Variants in ST8SIA2 observed in about 807,000 individuals in gnomAD.
ST8SIA2 encodes ST8 alpha-N-acetyl-neuraminide alpha-2,8-sialyltransferase 2, also known as alpha-2,8-sialyltransferase 8B.
ST8SIA2 carries 22 observed loss-of-function variants against 37.6 expected under a neutral mutation model. The ratio of observed to expected loss-of-function variants is 0.58; its 90% CI spans 0.42 to 0.83. The LOEUF is 0.83. Among genes scored for constraint, ST8SIA2 ranks in the 40% least tolerant of loss-of-function variants. ST8SIA2 has a pLI of 0.00. For synonymous variants in ST8SIA2, 205 were observed against 201.2 expected, an observed-to-expected ratio of 1.02 and a Z score of -0.16; for missense variants, 382 against 484.7, an observed-to-expected ratio of 0.79 and a Z score of 1.99.
chr15:92,435,718 C>G (rs754106275), intron 3 of ST8SIA2, among the ~76,000 whole-genome samples: 6 of 152,240 alleles, frequency 3.9e-5, no homozygotes, highest in Middle Eastern at 3.4e-3. Context: ...CTCCCTGCCA[C>G]CCTGCACTCC....
chr15:92,399,094 TATGAGC>T (rs2049452492), intron 1 of ST8SIA2, among the ~76,000 whole-genome samples: 1 of 152,150 alleles, frequency 6.6e-6, no homozygotes, highest in African/African-American at 2.4e-5. Context: ...CTGCCATAGG[TATGAGC>T]ATTCCAGACT....
chr15:92,394,955 C>A (rs1288721757), intron 1 of ST8SIA2, among the ~76,000 whole-genome samples: 2 of 152,122 alleles, frequency 1.3e-5, no homozygotes, highest in Non-Finnish European at 2.9e-5. Context: ...CTCCCGACCT[C>A]GCCAGAGGTA....
intron 5 of ST8SIA2, among the ~76,000 whole-genome samples, chr15:92,446,381 C>A (rs1373336407): frequency 1.3e-5 from 2 of 152,186 alleles, no homozygotes; most frequent in Non-Finnish European, 2.9e-5. Context: ...CATTTTTAGA[C>A]CACATAGTGT....
At chr15:92,421,491 C>T (rs1462445186) in intron 1 of ST8SIA2, among the ~76,000 whole-genome samples, 1 of 152,146 alleles carries the variant, frequency 6.6e-6, no homozygotes, top group Non-Finnish European at 1.5e-5. Context: ...ATAAATCAAA[C>T]ACTGTTCTTA....
At chr15:92,401,025 G>A (rs1411782895) in intron 1 of ST8SIA2, among the ~76,000 whole-genome samples, 1 of 152,192 alleles carries the variant, frequency 6.6e-6, no homozygotes, top group Non-Finnish European at 1.5e-5. Flanking sequence ...GAATCCTCAT[G>A]ACGGGTCAAG....
At chr15:92,408,548 G>C (rs2049524973) in intron 1 of ST8SIA2, among the ~76,000 whole-genome samples, 2 of 152,024 alleles carry the variant, frequency 1.3e-5, no homozygotes, top group African/African-American at 4.8e-5. Context: ...GCTGAGATAG[G>C]CCCCAGTTAC....
chr15:92,411,139 G>T (rs950769039), intron 1 of ST8SIA2, among the ~76,000 whole-genome samples: 1 of 152,174 alleles, frequency 6.6e-6, no homozygotes, highest in Non-Finnish European at 1.5e-5. Context: ...AATCTGTGAT[G>T]GGGTTCAGAT....
chr15:92,416,439 C>T (rs944403780), intron 1 of ST8SIA2, among the ~76,000 whole-genome samples: 1 of 151,984 alleles, frequency 6.6e-6, no homozygotes, highest in African/African-American at 2.4e-5. Flanking sequence ...CACCGAGGGA[C>T]AATGGAAGCA....
Position 92,394,012 on chromosome 15 carries a change from G to C in ST8SIA2, c.-53G>C. 1 of 1,428,834 alleles carries C rather than the reference G, an allele frequency of 7.0e-7. No individual in the cohort carries two copies. The highest frequency in any genetic ancestry group is 9.5e-7 in the Non-Finnish European group (1 of 1,057,826). 88.5% of individuals were successfully genotyped at this position (1,428,834 alleles called of 1,614,324 possible). ...TCCGGCGTCCGCCGCTGCGCCCTCCGGCCCCTGCTCCTCGCGCCGGCCCGC... is the reference window on the plus strand; with the variant it reads ...TCCGGCGTCCGCCGCTGCGCCCTCCCGCCCCTGCTCCTCGCGCCGGCCCGC... On this transcript the variant is annotated 5_prime_UTR_variant, in exon 1 of 6. Transcript: ENST00000268164.
intron 1 of ST8SIA2, among the ~76,000 whole-genome samples, chr15:92,397,104 G>A (rs993305790): frequency 1.3e-5 from 2 of 152,224 alleles, no homozygotes; most frequent in Non-Finnish European, 2.9e-5. Context: ...GTAATGAACA[G>A]TGGGACCCTG....
intron 1 of ST8SIA2, among the ~76,000 whole-genome samples, chr15:92,407,872 A>G (rs1193176268): frequency 6.6e-6 from 1 of 152,194 alleles, no homozygotes; most frequent in Non-Finnish European, 1.5e-5. Context: ...AATTCATTTA[A>G]GTTTTTAAGT....
intron 1 of ST8SIA2, among the ~76,000 whole-genome samples, chr15:92,398,533 A>T (rs2049448404): frequency 6.6e-6 from 1 of 152,252 alleles, no homozygotes; most frequent in African/African-American, 2.4e-5. Flanking sequence ...ATGTTAACAC[A>T]TTCCAGCCTC....
chr15:92,401,517 G>C (rs977823190), intron 1 of ST8SIA2, among the ~76,000 whole-genome samples: 1 of 152,164 alleles, frequency 6.6e-6, no homozygotes, highest in African/African-American at 2.4e-5. Context: ...CTCCAACTGG[G>C]GAGAGCAGCG....
intron 5 of ST8SIA2, chr15:92,445,202 AG>A (rs1279700937): frequency 1.8e-6 from 1 of 552,382 alleles, no homozygotes; most frequent in Non-Finnish European, 3.3e-6. Flanking sequence ...GGCTGTCTTG[AG>A]GCTCAATGGG....
chr15:92,408,786 A>T (rs973469870), intron 1 of ST8SIA2, among the ~76,000 whole-genome samples: 1 of 151,282 alleles, frequency 6.6e-6, no homozygotes, highest in African/African-American at 2.4e-5. Flanking sequence ...GCTCACTGCA[A>T]CCTCCACCTC....
chr15:92,411,367 C>A (rs758709450), intron 1 of ST8SIA2, among the ~76,000 whole-genome samples: 1 of 151,360 alleles, frequency 6.6e-6, no homozygotes, highest in African/African-American at 2.4e-5. Context: ...GAGGGTCGGG[C>A]GGGGGTGTTG....
At chr15:92,424,391 A>T (rs182424177) in intron 1 of ST8SIA2, among the ~76,000 whole-genome samples, 2 of 152,194 alleles carry the variant, frequency 1.3e-5, no homozygotes, top group East Asian at 1.9e-4. Flanking sequence ...AAAAATTATT[A>T]AAAATGAAAT....
At chr15:92,425,711 G>A (rs1053234465) in intron 1 of ST8SIA2, among the ~76,000 whole-genome samples, 1 of 152,142 alleles carries the variant, frequency 6.6e-6, no homozygotes, top group African/African-American at 2.4e-5. Context: ...GCCAGAGCGG[G>A]TCTAGGATTG....
At chr15:92,395,743 C>T (rs1451233404) in intron 1 of ST8SIA2, among the ~76,000 whole-genome samples, 1 of 152,168 alleles carries the variant, frequency 6.6e-6, no homozygotes, top group Non-Finnish European at 1.5e-5. Flanking sequence ...CCTCTAGGCT[C>T]TCCGGCTTCT....
Sources: gnomAD v4.1 joint callset for allele counts (sites outside exome capture counted in the v4.1 genomes callset) on GRCh38, gnomAD v4.1.1 for gene constraint, MANE v1.5 for transcripts, NCBI Gene and HGNC (gene_info 2026-07-23, HGNC 2026-07-21) for gene names.